The following SLC6A11 variants were observed in gnomAD, a reference collection of about 807,000 sequenced individuals.
The protein encoded by SLC6A11 is sodium- and chloride-dependent GABA transporter 3.
In SLC6A11, 25 loss-of-function variants were observed where a neutral mutation model predicts 74.8. That is an observed-to-expected ratio of 0.33 (90% CI 0.24 to 0.47). The LOEUF (loss-of-function observed/expected upper bound fraction) is 0.47, where lower values mean the gene tolerates loss of function less well. SLC6A11 is among the 20% of genes least tolerant of loss of function. SLC6A11 has a pLI of 1.00. For synonymous variants in SLC6A11, 330 were observed against 330.2 expected (o/e 1.00, Z 0.01); for missense variants, 574 against 837.0 (o/e 0.69, Z 3.88).
intron 6 of SLC6A11, among the ~76,000 whole-genome samples, chr3:10,909,873 C>T (rs1695363353): frequency 6.6e-6 from 1 of 152,284 alleles, no homozygotes; most frequent in South Asian, 2.1e-4. Context: ...ACTTTTTTCT[C>T]CACTGGACCT....
intron 5 of SLC6A11, among the ~76,000 whole-genome samples, chr3:10,853,065 G>C (rs145737177): frequency 9.4e-4 from 143 of 152,318 alleles, no homozygotes; most frequent in Admixed American, 1.4e-3. Context: ...CCTTCTGTCA[G>C]GGTTAAAGCA....
At chr3:10,855,890 C>T (rs73037905) in intron 5 of SLC6A11, among the ~76,000 whole-genome samples, 12,937 of 152,246 alleles carry the variant, frequency 0.085, 772 homozygotes, top group African/African-American at 0.15. Context: ...TTCCTCTCTT[C>T]GGTTTTCCTT....
At chr3:10,862,108 T>G (rs375585222) in intron 5 of SLC6A11, among the ~76,000 whole-genome samples, 3 of 152,312 alleles carry the variant, frequency 2.0e-5, no homozygotes, top group African/African-American at 7.2e-5. Context: ...CATCTGGCAG[T>G]GTCCCCCCAC....
At chr3:10,829,482 G>C (rs1245993530) in intron 4 of SLC6A11, among the ~76,000 whole-genome samples, 1 of 152,220 alleles carries the variant, frequency 6.6e-6, no homozygotes, top group East Asian at 1.9e-4. Context: ...AGCACTGCAT[G>C]CTGTGTAGCA....
intron 4 of SLC6A11, among the ~76,000 whole-genome samples, chr3:10,841,178 C>T (rs1694432461): frequency 6.6e-6 from 1 of 152,202 alleles, no homozygotes; most frequent in South Asian, 2.1e-4. Flanking sequence ...TCAGCATTTC[C>T]CGCTCCCTGA....
At position 10,901,078 on chromosome 3, in the gene SLC6A11, G is replaced by A. The variant is rs552727829; in HGVS notation, c.892-11012G>A. On this transcript the variant is annotated intron_variant, in intron 6 of 13. Transcript: ENST00000254488. ...AAATGTCAAGAGCCTCCCCTTTAAG[G>A]AACACTCCTCAGGGGACAGCTTGGC... 7.4e-4 allele frequency among the ~76,000 whole-genome samples: 113 copies of A among 152,266 alleles called. 3 individuals carry two copies. Among genetic ancestry groups the A allele is most frequent in the African/African-American group, 2.5e-3 (105 of 41,554 alleles).
At chr3:10,828,364 G>A (rs918862358) in intron 4 of SLC6A11, among the ~76,000 whole-genome samples, 1 of 152,180 alleles carries the variant, frequency 6.6e-6, no homozygotes, top group Non-Finnish European at 1.5e-5. Context: ...ATGAGGCCTT[G>A]TTTTTCTGGT....
At chr3:10,845,502 G>C (rs1243618547) in intron 5 of SLC6A11, among the ~76,000 whole-genome samples, 1 of 152,174 alleles carries the variant, frequency 6.6e-6, no homozygotes, top group African/African-American at 2.4e-5. Flanking sequence ...CTTGGCTGGG[G>C]CAGCTGCTGG....
At chr3:10,844,621 G>T (rs886870058) in intron 5 of SLC6A11, among the ~76,000 whole-genome samples, 6 of 152,168 alleles carry the variant, frequency 3.9e-5, no homozygotes, top group Non-Finnish European at 7.3e-5. Context: ...GTTATACAAG[G>T]TAAGGGGGTT....
chr3:10,921,519 A>G (rs567983731), intron 8 of SLC6A11, among the ~76,000 whole-genome samples: 8 of 152,368 alleles, frequency 5.3e-5, no homozygotes, highest in Non-Finnish European at 1.0e-4. Flanking sequence ...AATTAAAAAT[A>G]TTTATTAACC....
chr3:10,818,627 T>G (rs1311693521), intron 1 of SLC6A11, among the ~76,000 whole-genome samples: 1 of 152,190 alleles, frequency 6.6e-6, no homozygotes, highest in Non-Finnish European at 1.5e-5. Context: ...AAAAGCACTT[T>G]CAGTTAAAGC....
intron 6 of SLC6A11, among the ~76,000 whole-genome samples, chr3:10,875,642 G>A (rs192254274): frequency 1.4e-4 from 22 of 152,298 alleles, no homozygotes; most frequent in Non-Finnish European, 2.9e-4. Flanking sequence ...GGAGTAGCTC[G>A]TAGTAAAAAA....
At chr3:10,855,289 G>A (rs1694625641) in intron 5 of SLC6A11, among the ~76,000 whole-genome samples, 1 of 152,140 alleles carries the variant, frequency 6.6e-6, no homozygotes, top group Non-Finnish European at 1.5e-5. Context: ...TTAAGTAATG[G>A]GCTTGAGATC....
In SLC6A11 at chr3:10,827,230, T is replaced by A. The variant is rs925808520; in HGVS notation, c.623+3838T>A. On this transcript the variant is annotated intron_variant, in intron 4 of 13. Coordinates refer to ENST00000254488, the MANE Select transcript of SLC6A11 (RefSeq NM_014229.3). ...AGTGAGAATATCCATTTACCTTTGC[T>A]GAACCCAAATTTCCAAACTTATTTT... Among the ~76,000 whole-genome samples, 8 of 152,334 alleles carry A rather than the reference T, an allele frequency of 5.3e-5. No homozygotes were observed. The South Asian group carries it at 1.7e-3, about 32-fold the overall frequency.
chr3:10,900,803 C>A (rs74943832), intron 6 of SLC6A11, among the ~76,000 whole-genome samples: 18 of 152,156 alleles, frequency 1.2e-4, no homozygotes, highest in Non-Finnish European at 2.1e-4. Context: ...GGTCTGGGAG[C>A]CCCTAGCCCA....
At chr3:10,822,831 C>A (rs564559653) in intron 3 of SLC6A11, among the ~76,000 whole-genome samples, 1 of 152,294 alleles carries the variant, frequency 6.6e-6, no homozygotes, top group South Asian at 2.1e-4. Flanking sequence ...CCAATCATCA[C>A]GTCTTGATGA....
intron 11 of SLC6A11, chr3:10,933,850 A>C (rs1695722830): frequency 2.3e-6 from 1 of 439,326 alleles, no homozygotes; most frequent in Non-Finnish European, 4.1e-6. Flanking sequence ...AGGCCAGGAG[A>C]GCTCTCTCCA....
intron 4 of SLC6A11, among the ~76,000 whole-genome samples, chr3:10,831,437 A>C (rs984015474): frequency 6.6e-6 from 1 of 152,226 alleles, no homozygotes; most frequent in South Asian, 2.1e-4. Flanking sequence ...AATGAGGCAG[A>C]AAATGTGTTG....
At chr3:10,876,626 T>G (rs1456126404) in intron 6 of SLC6A11, among the ~76,000 whole-genome samples, 1 of 150,854 alleles carries the variant, frequency 6.6e-6, no homozygotes, top group African/African-American at 2.4e-5. Flanking sequence ...CCAGTTGCAG[T>G]GGGTCTGTGA....
Sources: gnomAD v4.1 joint callset for allele counts (sites outside exome capture counted in the v4.1 genomes callset) on GRCh38, gnomAD v4.1.1 for gene constraint, MANE v1.5 for transcripts, NCBI Gene and HGNC (gene_info 2026-07-23, HGNC 2026-07-21) for gene names.